Variants in DICER1 observed in about 807,000 individuals in gnomAD.
The protein encoded by DICER1 is dicer 1, ribonuclease III.
Under a neutral mutation model 194.1 loss-of-function variants are expected in DICER1, and 43 were observed. That is an observed-to-expected ratio of 0.22 (90% confidence interval 0.17 to 0.29). The LOEUF is 0.29. Ranked by LOEUF, DICER1 falls within the 10% of genes least tolerant of loss-of-function variation. DICER1 has a pLI of 1.00. For synonymous variants in DICER1, 832 were observed against 820.5 expected (o/e 1.01, Z -0.24); for missense variants, 1,608 against 2,317.0 (o/e 0.69, Z 6.28).
At chr14:95,130,033 A>C in intron 5 of DICER1, 25 bp downstream of exon 5, 1 of 1,608,840 alleles carries the variant, frequency 6.2e-7, no homozygotes, top group Non-Finnish European at 8.5e-7. Flanking sequence ...ACCAAGAATT[A>C]CTAAGACTTA....
At chr14:95,117,496 A>T (rs957732229) in intron 9 of DICER1, 126 bp downstream of exon 9, 96 of 995,812 alleles carry the variant, frequency 9.6e-5, no homozygotes, top group Non-Finnish European at 1.4e-4. Context: ...ATATATGAAG[A>T]AGTATTCTAT....
intron 6 of DICER1, among the ~76,000 whole-genome samples, chr14:95,126,998 A>T (rs968434812): frequency 3.9e-5 from 6 of 152,180 alleles, no homozygotes; most frequent in African/African-American, 1.4e-4. Flanking sequence ...TTCAAAAGGC[A>T]AGGGGAGAAG....
At chr14:95,114,297 G>A (rs1023536427) in intron 11 of DICER1, among the ~76,000 whole-genome samples, 2 of 152,114 alleles carry the variant, frequency 1.3e-5, no homozygotes, top group Non-Finnish European at 2.9e-5. Context: ...ATGTTAAAAA[G>A]ACAAAGAAAC....
At chr14:95,131,309 G>C (rs1893928353) in intron 4 of DICER1, among the ~76,000 whole-genome samples, 200 bp downstream of exon 4, 1 of 152,164 alleles carries the variant, frequency 6.6e-6, no homozygotes, top group African/African-American at 2.4e-5. Flanking sequence ...ACAGACGTCA[G>C]CCACTGCATC....
chr14:95,121,013 C>T (rs1479172154), intron 8 of DICER1, among the ~76,000 whole-genome samples: 1 of 152,128 alleles, frequency 6.6e-6, no homozygotes, highest in Non-Finnish European at 1.5e-5. Flanking sequence ...TGACGAGTGA[C>T]GTTTTGTGGT....
Position 95,089,771 on chromosome 14 carries a change from A to G in DICER1, c.*727T>C, listed in dbSNP as rs1889626831. 1 of 232,052 alleles carries G rather than the reference A, an allele frequency of 4.3e-6. No homozygotes were observed. The highest frequency in any genetic ancestry group is 5.6e-5 in the Admixed American group (1 of 17,742). The allele number at this position is 232,052 out of a possible 1,614,324, so 14.4% of individuals were successfully genotyped here. On this transcript the variant is annotated 3_prime_UTR_variant, in exon 27 of 27. Coordinates refer to ENST00000343455, the MANE Select transcript of DICER1 (RefSeq NM_177438.3). ...TCTAATGCATAATAAAATGAAAGGA[A>G]TGTAAAACAGTTTGTTCCAAAAAGA...
rs1890681524 is a variant in DICER1, at chr14:95,099,717, T to C, written c.4206+63A>G. On this transcript the variant is annotated intron_variant, in intron 22 of 26. Transcript: ENST00000343455. ...ACAAATTATTTGGCTCACCGAAAAG[T>C]AAATCCCTCCAGTTACACACACACA... is the stretch of plus-strand genomic sequence containing the variant. The C allele has an allele frequency of 1.9e-6, 3 of 1,544,976 alleles. No individual in the cohort carries two copies. In the Admixed American group the frequency reaches 5.8e-5, roughly 30 times the overall value.
At chr14:95,129,448 G>C in intron 6 of DICER1, 24 bp downstream of exon 6, 1 of 1,610,238 alleles carries the variant, frequency 6.2e-7, no homozygotes, top group Admixed American at 1.7e-5. Context: ...TCTCATTAAA[G>C]CTGAGTCAAT....
At chr14:95,120,313 A>G (rs1438017598) in intron 8 of DICER1, among the ~76,000 whole-genome samples, 2 of 152,250 alleles carry the variant, frequency 1.3e-5, no homozygotes, top group Non-Finnish European at 2.9e-5. Context: ...AGATGGGTGC[A>G]TAAGCGGCTG....
In DICER1 at chr14:95,113,262, C is replaced by T. The variant is rs375513306; in HGVS notation, c.1908-38G>A. On this transcript the variant is annotated intron_variant, in intron 11 of 26. Transcript: ENST00000343455. ...AGAAATTCTGAGGCTGAATCTACAA[C>T]TGAGAAAATATTGATATTTATAACC... is the stretch of plus-strand genomic sequence containing the variant. The T allele has an allele frequency of 5.1e-5, 81 of 1,597,282 alleles. No homozygotes were observed. The African/African-American group carries it at 1.0e-3, about 20-fold the overall frequency.
intron 1 of DICER1, among the ~76,000 whole-genome samples, chr14:95,137,426 T>A (rs1355089330): frequency 3.2e-5 from 3 of 94,328 alleles, no homozygotes; most frequent in African/African-American, 4.3e-5. Flanking sequence ...GGGAAGGGAA[T>A]AAGAGGAAGG....
chr14:95,094,022 T>C lies in DICER1; in HGVS notation c.5230A>G (p.Ile1744Val). The C allele has an allele frequency of 6.2e-7, 1 of 1,614,106 alleles. No individual in the cohort carries two copies. Among genetic ancestry groups the C allele is most frequent in the Non-Finnish European group, 8.5e-7 (1 of 1,180,016 alleles). The change falls in exon 24 of 27, where the codon ATC becomes GTC. Residue 1744 changes from isoleucine to valine, a missense_variant. Coordinates refer to ENST00000343455, the MANE Select transcript of DICER1 (RefSeq NM_177438.3). Reference sequence around the variant, plus strand: ...TACTTTACAGCCAGCGATGCAAAGATGGTGTTGTTGACCAGGGCAGACCGC... The same window carrying C: ...TACTTTACAGCCAGCGATGCAAAGACGGTGTTGTTGACCAGGGCAGACCGC... ...DLRSALVNNT[I>V]FASLAVKYDY...
In DICER1 at chr14:95,124,774, T is replaced by A. The variant is rs147809738; in HGVS notation, c.904-106A>T. The A allele has an allele frequency of 2.5e-5, 24 of 968,564 alleles. No homozygotes were observed. The South Asian group carries it at 3.3e-4, about 13-fold the overall frequency. The allele number at this position is 968,564 out of a possible 1,614,324, so 60.0% of individuals were successfully genotyped here. ...AGTTGTTCTCAAATGGCTCCTTAAA[T>A]GTAACCCAGCCTTAGGTTAAGTCCC... On this transcript the variant is annotated intron_variant, in intron 7 of 26. Coordinates refer to ENST00000343455, the MANE Select transcript of DICER1 (RefSeq NM_177438.3). The surrounding 1 kb of genome is among the most constrained non-coding windows in gnomAD (Gnocchi z 4.5).
chr14:95,115,302 A>G (rs1175533824), intron 11 of DICER1, among the ~76,000 whole-genome samples: 1 of 152,222 alleles, frequency 6.6e-6, no homozygotes, highest in Non-Finnish European at 1.5e-5. Context: ...AAATTAGTTT[A>G]TCACAATCTT....
rs1379416559 is a variant in DICER1 at position 95,117,568 on chromosome 14, T to A, written c.1509+54A>T. 12 of 1,597,190 alleles carry A rather than the reference T, an allele frequency of 7.5e-6. No individual in the cohort carries two copies. In the Admixed American group the frequency reaches 1.5e-4, roughly 20 times the overall value. On this transcript the variant is annotated intron_variant, in intron 9 of 26. Coordinates refer to ENST00000343455, the MANE Select transcript of DICER1 (RefSeq NM_177438.3). ...AAAAAGGGAGACCCTATGGGCACTTTGTCTGTATATGTCCCGAAAACTGTT... is the reference window on the plus strand; with the variant it reads ...AAAAAGGGAGACCCTATGGGCACTTAGTCTGTATATGTCCCGAAAACTGTT...
intron 1 of DICER1, chr14:95,140,636 C>T (rs927010722): frequency 3.3e-5 from 5 of 152,138 alleles, no homozygotes; most frequent in Non-Finnish European, 7.4e-5. Context: ...TTCCTCTTTC[C>T]ACATGATGAA....
At position 95,106,193 on chromosome 14, in the gene DICER1, A is replaced by G; in HGVS notation, c.2835T>C (p.Phe945=). The G allele has an allele frequency of 1.9e-6, 3 of 1,614,132 alleles. No homozygotes were observed. The highest frequency in any genetic ancestry group is 2.2e-5 in the East Asian group (1 of 44,888). The part of the protein sequence containing the change: ...RYRNFDQPHR[F]YVADVYTDLT... ...GATCAGTGTACACATCAGCTACATA[A>G]AATCGATGAGGCTGATCAAAATTGC... Residue 945 remains phenylalanine (F), a synonymous_variant, in exon 18 of 27, where the codon TTT becomes TTC. Coordinates refer to ENST00000343455, the MANE Select transcript of DICER1 (RefSeq NM_177438.3).
chr14:95,095,551 C>T (rs772954263), intron 23 of DICER1: 3 of 454,294 alleles, frequency 6.6e-6, no homozygotes, highest in Non-Finnish European at 1.2e-5. Context: ...CATCAAAATA[C>T]TAAGGTTAAA....
chr14:95,090,189 ACCTGTC>A lies in DICER1; in HGVS notation c.*303_*308del. The A allele has an allele frequency of 2.3e-6, 1 of 433,200 alleles. No homozygotes were observed. Among genetic ancestry groups the A allele is most frequent in the African/African-American group, 2.0e-5 (1 of 50,086 alleles). The allele number at this position is 433,200 out of a possible 1,614,324, so 26.8% of individuals were successfully genotyped here. A position where few individuals can be genotyped will look rare whatever the true frequency, so the allele number is the denominator to read the frequency against. The stretch of plus-strand genomic sequence containing the variant: ...ATAAACTCAAAAAAAAAAAAACAAA[ACCTGTC>A]AATTATTTTGAGCACTTGCTAAATG... On this transcript the variant is annotated 3_prime_UTR_variant, in exon 27 of 27. Coordinates refer to ENST00000343455, the MANE Select transcript of DICER1 (RefSeq NM_177438.3).
Sources: allele counts gnomAD v4.1 joint callset (sites outside exome capture counted in the v4.1 genomes callset), GRCh38; gene constraint gnomAD v4.1.1; non-coding constraint Gnocchi (gnomAD v3.1); transcripts MANE v1.5; gene names NCBI Gene and HGNC (gene_info 2026-07-23, HGNC 2026-07-21).